ZNF79: variants seen among roughly 807,000 people sequenced by gnomAD.
The protein encoded by ZNF79 is zinc finger protein 79.
A neutral mutation model predicts 14.9 loss-of-function variants in ZNF79; 13 were observed. The observed-to-expected ratio is 0.87, with a 90% CI of 0.57 to 1.38. ZNF79 has a LOEUF of 1.38. Among genes scored for constraint, ZNF79 ranks in the 40% most tolerant of loss-of-function variants. The pLI is 0.00. For missense variants in ZNF79, 631 were observed against 630.6 expected (o/e 1.00, Z -0.01); for synonymous variants, 223 against 235.1 (o/e 0.95, Z 0.47).
At chr9:127,443,038 CT>C in intron 4 of ZNF79, among the ~76,000 whole-genome samples, 1 of 152,322 alleles carries the variant, frequency 6.6e-6, no homozygotes, top group East Asian at 1.9e-4. Flanking sequence ...AAGCTGTCAT[CT>C]CTAAGATAAC....
chr9:127,435,995 C>T lies in ZNF79; in HGVS notation c.320C>T (p.Pro107Leu), dbSNP rs1374807410. 2.5e-6 allele frequency: 4 copies of T among 1,613,926 alleles called. No individual in the cohort carries two copies. The South Asian group carries it at 3.3e-5, about 13-fold the overall frequency. The change falls in exon 4 of 5, where the codon CCC (proline) becomes CTC (leucine). Residue 107 changes from proline (P) to leucine (L), a missense_variant. Coordinates refer to ENST00000342483, the MANE Select transcript of ZNF79 (RefSeq NM_007135.3). ...WMLEGEDLRSPSPGWKIISGS... is the reference protein window; with the variant it reads ...WMLEGEDLRSLSPGWKIISGS... ...CTGGAGGGCGAAGACCTGCGAAGTCCCTCTCCAGGTATGTGAGCAAGCACT... is the reference window on the plus strand; with the variant it reads ...CTGGAGGGCGAAGACCTGCGAAGTCTCTCTCCAGGTATGTGAGCAAGCACT...
rs765522831 is a variant in ZNF79, at chr9:127,445,237, CGA to C, written c.*41_*42del. 1 of 1,591,466 alleles carries C rather than the reference CGA, an allele frequency of 6.3e-7. No individual in the cohort carries two copies. The highest frequency in any genetic ancestry group is 1.1e-5 in the South Asian group (1 of 88,708). ...GAAGTGGAGAGAGTCCCGGACATGC[CGA>C]CTCAGGACAGGTGGGTGAGGATCTG... is the stretch of plus-strand genomic sequence containing the variant. On this transcript the variant is annotated 3_prime_UTR_variant, in exon 5 of 5. Transcript: ENST00000342483.
chr9:127,441,156 A>G lies in ZNF79; in HGVS notation c.329-2873A>G, dbSNP rs189536521. Among the ~76,000 whole-genome samples, 10 of 151,880 alleles carry G rather than the reference A, an allele frequency of 6.6e-5. No homozygotes were observed. The East Asian group carries it at 1.6e-3, about 24-fold the overall frequency. On this transcript the variant is annotated intron_variant, in intron 4 of 4. Coordinates refer to ENST00000342483, the MANE Select transcript of ZNF79 (RefSeq NM_007135.3). ...CAAACCCATAGATGATCGGACCCCAAGTTACACAGAGACGCTCTCAGCCTG... is the reference window on the plus strand; with the variant it reads ...CAAACCCATAGATGATCGGACCCCAGGTTACACAGAGACGCTCTCAGCCTG...
chr9:127,436,015 A>G lies in ZNF79; in HGVS notation c.328+12A>G. The G allele has an allele frequency of 6.2e-7, 1 of 1,613,084 alleles. No homozygotes were observed. The highest frequency in any genetic ancestry group is 8.5e-7 in the Non-Finnish European group (1 of 1,179,010). ...AAGTCCCTCTCCAGGTATGTGAGCAAGCACTTAGCCAGTGGGAGTCTTGGG... is the reference window on the plus strand; with the variant it reads ...AAGTCCCTCTCCAGGTATGTGAGCAGGCACTTAGCCAGTGGGAGTCTTGGG... On this transcript the variant is annotated intron_variant, in intron 4 of 4. Transcript: ENST00000342483.
At chr9:127,433,569 C>G (rs553754849) in intron 2 of ZNF79, among the ~76,000 whole-genome samples, 1 of 152,326 alleles carries the variant, frequency 6.6e-6, no homozygotes, top group African/African-American at 2.4e-5. Flanking sequence ...GGATGCATTA[C>G]ACAGAGTAGG....
chr9:127,424,911 G>A (rs1230449645), intron 1 of ZNF79, 108 bp downstream of exon 1: 2 of 1,563,466 alleles, frequency 1.3e-6, no homozygotes, highest in African/African-American at 1.4e-5. Context: ...TCTCCTACAG[G>A]TAGTTGGAGA....
chr9:127,427,070 G>A (rs867021801), intron 1 of ZNF79, among the ~76,000 whole-genome samples: 17 of 151,962 alleles, frequency 1.1e-4, no homozygotes, highest in African/African-American at 2.7e-4. Context: ...GTAGGGAGTG[G>A]CTATTTGTAT....
At chr9:127,441,811 G>T (rs1834052535) in intron 4 of ZNF79, among the ~76,000 whole-genome samples, 1 of 152,330 alleles carries the variant, frequency 6.6e-6, no homozygotes, top group Non-Finnish European at 1.5e-5. Context: ...CGGGCGTGGT[G>T]GCGGGAGCCT....
intron 4 of ZNF79, among the ~76,000 whole-genome samples, chr9:127,440,137 CA>C (rs1161034594): frequency 6.6e-6 from 1 of 152,218 alleles, no homozygotes; most frequent in African/African-American, 2.4e-5. Context: ...GCTGGGATTA[CA>C]GGCATGAGCC....
At chr9:127,438,618 C>T (rs1215459382) in intron 4 of ZNF79, among the ~76,000 whole-genome samples, 4 of 152,156 alleles carry the variant, frequency 2.6e-5, no homozygotes, top group Non-Finnish European at 5.9e-5. Flanking sequence ...CCTGGCAGAG[C>T]CTGTCCGTGC....
Position 127,444,894 on chromosome 9 carries a change from C to T in ZNF79, c.1194C>T (p.Phe398=), listed in dbSNP as rs1834134625. 6.2e-7 allele frequency: 1 copy of T among 1,614,064 alleles called. No homozygotes were observed. The highest frequency in any genetic ancestry group is 8.5e-7 in the Non-Finnish European group (1 of 1,180,040). ...AGTGCAGCGAGTGTGGGAAGGCCTTCAGCCAGAGTACCAATCTCATAATCC... is the reference window on the plus strand; with the variant it reads ...AGTGCAGCGAGTGTGGGAAGGCCTTTAGCCAGAGTACCAATCTCATAATCC... ...PYKCSECGKA[F]SQSTNLIIHQ... Residue 398 remains phenylalanine (F), a synonymous_variant, in exon 5 of 5, where the codon TTC becomes TTT. Transcript: ENST00000342483.
chr9:127,428,933 T>C lies in ZNF79; in HGVS notation c.105+13T>C, dbSNP rs1021981474. On this transcript the variant is annotated intron_variant, in intron 2 of 4. Transcript: ENST00000342483. ...AGCTGGGCCCCGGGTAAGTTGGAAA[T>C]TAACTTTGGAAGGCATCCTTTTCTT... 1 of 1,564,162 alleles carries C rather than the reference T, an allele frequency of 6.4e-7. No individual in the cohort carries two copies. The highest frequency in any genetic ancestry group is 8.7e-7 in the Non-Finnish European group (1 of 1,153,220).
intron 2 of ZNF79, among the ~76,000 whole-genome samples, chr9:127,429,515 G>T (rs1833823317): frequency 6.8e-6 from 1 of 147,706 alleles, no homozygotes. Context: ...AACTTTTGTA[G>T]AGTCAGGGTT....
At chr9:127,429,150 A>AT (rs1239024786) in intron 2 of ZNF79, among the ~76,000 whole-genome samples, 1 of 152,078 alleles carries the variant, frequency 6.6e-6, no homozygotes, top group Non-Finnish European at 1.5e-5. Flanking sequence ...GGTAGCTGGG[A>AT]TTACAGGCAC....
At chr9:127,438,722 A>G (rs1199086799) in intron 4 of ZNF79, among the ~76,000 whole-genome samples, 3 of 152,190 alleles carry the variant, frequency 2.0e-5, no homozygotes, top group Non-Finnish European at 4.4e-5. Flanking sequence ...CAATCACATT[A>G]GAGTCCTGCT....
intron 4 of ZNF79, among the ~76,000 whole-genome samples, chr9:127,440,083 C>T (rs1232455674): frequency 1.3e-5 from 2 of 152,102 alleles, no homozygotes; most frequent in Non-Finnish European, 2.9e-5. Context: ...AGGATGGTCT[C>T]GATCTCCTGA....
At position 127,444,601 on chromosome 9, in the gene ZNF79, G is replaced by A. The variant is rs769200285; in HGVS notation, c.901G>A (p.Gly301Arg). Residue 301 changes from glycine (G) to arginine (R), a missense_variant, in exon 5 of 5, where the codon GGA (glycine) becomes AGA (arginine). Physicochemically the swap from Gly to Arg is moderately radical, Grantham distance 125 (BLOSUM62 -2). Coordinates refer to ENST00000342483, the MANE Select transcript of ZNF79 (RefSeq NM_007135.3). ...ALVQHQRIHT[G>R]EKPYECSDCG... ...TGTTCAGCATCAGAGAATTCATACCGGAGAGAAGCCCTACGAATGCAGCGA... is the reference window on the plus strand; with the variant it reads ...TGTTCAGCATCAGAGAATTCATACCAGAGAGAAGCCCTACGAATGCAGCGA... The A allele has an allele frequency of 2.4e-5, 39 of 1,614,000 alleles. No individual in the cohort carries two copies. The highest frequency in any genetic ancestry group is 2.7e-5 in the Non-Finnish European group (32 of 1,180,054).
At chr9:127,432,429 C>A (rs1243284624) in intron 2 of ZNF79, among the ~76,000 whole-genome samples, 1 of 151,994 alleles carries the variant, frequency 6.6e-6, no homozygotes, top group Non-Finnish European at 1.5e-5. Context: ...GGATTACAGG[C>A]GTGAGCCACC....
chr9:127,433,628 C>A (rs1833898063), intron 2 of ZNF79, among the ~76,000 whole-genome samples: 1 of 152,190 alleles, frequency 6.6e-6, no homozygotes, highest in Non-Finnish European at 1.5e-5. Context: ...TGCCTTACAG[C>A]TCCTGCCCAG....
Sources: gnomAD v4.1 joint callset for allele counts (sites outside exome capture counted in the v4.1 genomes callset) on GRCh38, gnomAD v4.1.1 for gene constraint, MANE v1.5 for transcripts, NCBI Gene and HGNC (gene_info 2026-07-23, HGNC 2026-07-21) for gene names.